Variants in SLC28A3 observed in about 807,000 individuals in gnomAD.
The protein encoded by SLC28A3 is solute carrier family 28 member 3, also known as concentrative Na(+)-nucleoside cotransporter 3.
A neutral mutation model predicts 84.2 loss-of-function variants in SLC28A3; 68 were observed. That is an observed-to-expected ratio of 0.81 (90% CI 0.66 to 0.99). The LOEUF (loss-of-function observed/expected upper bound fraction) is 0.99. SLC28A3 is among the 50% of genes least tolerant of loss of function. The pLI, the probability that SLC28A3 is intolerant of heterozygous loss-of-function variation, is 0.00. For missense variants in SLC28A3, 712 were observed against 841.5 expected, an observed-to-expected ratio of 0.85 and a Z score of 1.90; for synonymous variants, 267 against 303.6, an observed-to-expected ratio of 0.88 and a Z score of 1.25.
chr9:84,281,139 C>T (rs545561834), intron 14 of SLC28A3, among the ~76,000 whole-genome samples: 2 of 152,304 alleles, frequency 1.3e-5, no homozygotes, highest in African/African-American at 4.8e-5. Context: ...TCTACAAATG[C>T]TGCTTCCTGG....
At chr9:84,300,675 C>T (rs1825593660) in intron 5 of SLC28A3, among the ~76,000 whole-genome samples, 1 of 152,170 alleles carries the variant, frequency 6.6e-6, no homozygotes, top group Non-Finnish European at 1.5e-5. Flanking sequence ...CAGGGGGCCA[C>T]CTGAAGGGAG....
rs1343755172 is a variant in SLC28A3 at position 84,275,816 on chromosome 9, G to A, written c.*2402C>T. 1.3e-5 allele frequency: 2 copies of A among 152,102 alleles called. No individual in the cohort carries two copies. Among genetic ancestry groups the A allele is most frequent in the African/African-American group, 4.8e-5 (2 of 41,414 alleles). The allele number at this position is 152,102 out of a possible 1,614,324, so 9.4% of individuals were successfully genotyped here. On this transcript the variant is annotated 3_prime_UTR_variant, in exon 18 of 18. Transcript: ENST00000376238. ...AATAACACCCCCTTTCTCAGTTCAA[G>A]GATGCACAGCATTAATAAGGAATCA...
intron 3 of SLC28A3, 21 bp from the exon 4 acceptor site, chr9:84,305,366 G>C: frequency 2.5e-6 from 4 of 1,601,678 alleles, no homozygotes; most frequent in Non-Finnish European, 3.4e-6. Context: ...AAAGCAAAAA[G>C]GCAGGGAGAA....
intron 10 of SLC28A3, among the ~76,000 whole-genome samples, chr9:84,291,128 T>G (rs1825203763): frequency 6.6e-6 from 1 of 152,208 alleles, no homozygotes; most frequent in Non-Finnish European, 1.5e-5. Flanking sequence ...TTCTGTAAGA[T>G]TGAATGTGTG....
rs762479737 is a variant in SLC28A3, at chr9:84,280,036, C to T, written c.1767G>A (p.Ser589=). The change falls in exon 16 of 18, where the codon TCG becomes TCA. Residue 589 remains serine, a synonymous_variant. Coordinates refer to ENST00000376238, the MANE Select transcript of SLC28A3 (RefSeq NM_001199633.2). The part of the protein sequence containing the change: ...MAPSRKRDIA[S]GAVRALIAGT... ...CCGCAATCAGAGCTCTCACTGCCCCCGAGGCGATATCACGCTTTCTGGAAG... is the reference window on the plus strand; with the variant it reads ...CCGCAATCAGAGCTCTCACTGCCCCTGAGGCGATATCACGCTTTCTGGAAG... 29 of 1,613,828 alleles carry T rather than the reference C, an allele frequency of 1.8e-5. No homozygotes were observed. The highest frequency in any genetic ancestry group is 2.4e-5 in the Non-Finnish European group (28 of 1,180,012).
chr9:84,333,036 G>C (rs1047086966), intron 1 of SLC28A3, among the ~76,000 whole-genome samples: 3 of 152,202 alleles, frequency 2.0e-5, no homozygotes, highest in Admixed American at 2.0e-4. Flanking sequence ...CTGCCTGGGA[G>C]ACAGGTCTAT....
chr9:84,289,564 G>A (rs1276959510), intron 11 of SLC28A3, among the ~76,000 whole-genome samples: 1 of 152,228 alleles, frequency 6.6e-6, no homozygotes. Context: ...CTGAGATATG[G>A]ACCTGGGCAT....
chr9:84,344,113 T>A (rs1370768097), upstream of SLC28A3, among the ~76,000 whole-genome samples: 2 of 151,944 alleles, frequency 1.3e-5, no homozygotes, highest in Non-Finnish European at 1.5e-5. Context: ...ATTTTTTTTT[T>A]ATCTTGCCCA....
intron 16 of SLC28A3, among the ~76,000 whole-genome samples, 159 bp from the exon 17 acceptor site, chr9:84,279,544 C>T (rs1358254652): frequency 2.6e-5 from 4 of 152,182 alleles, no homozygotes; most frequent in African/African-American, 7.2e-5. Context: ...CGGGTTCAAG[C>T]GATTCAAGTG....
chr9:84,311,395 G>A (rs1825982739), intron 2 of SLC28A3, among the ~76,000 whole-genome samples: 1 of 151,702 alleles, frequency 6.6e-6, no homozygotes, highest in Non-Finnish European at 1.5e-5. Context: ...TGAACCCAGA[G>A]AAGTACATTT....
At position 84,290,294 on chromosome 9, in the gene SLC28A3, G is replaced by A. The variant is rs777696002; in HGVS notation, c.1024-15C>T. 3.1e-6 allele frequency: 5 copies of A among 1,613,000 alleles called. No homozygotes were observed. Among genetic ancestry groups the A allele is most frequent in the South Asian group, 2.2e-5 (2 of 91,032 alleles). ...GGAGACTCCGTCTGGAGACAAAGAA[G>A]GGTGACCAGATTCCTTTTTAAATCT... On this transcript the variant is annotated splice_polypyrimidine_tract_variant and intron_variant, in intron 10 of 17. Coordinates refer to ENST00000376238, the MANE Select transcript of SLC28A3 (RefSeq NM_001199633.2).
In SLC28A3 at chr9:84,277,261, G is replaced by T. The variant is rs1824557961; in HGVS notation, c.*957C>A. The T allele has an allele frequency of 6.6e-6, 1 of 152,208 alleles. No individual in the cohort carries two copies. The highest frequency in any genetic ancestry group is 1.9e-4 in the East Asian group (1 of 5,200). The allele number at this position is 152,208 out of a possible 1,614,324, so 9.4% of individuals were successfully genotyped here. On this transcript the variant is annotated 3_prime_UTR_variant, in exon 18 of 18. Transcript: ENST00000376238. ...GACATGGATATTATGTACCCTTATG[G>T]TGTATCATATTACTTCTGCAAAATA...
rs866774003 is a variant in SLC28A3 at position 84,313,451 on chromosome 9, C to G, written c.64G>C (p.Glu22Gln). The G allele has an allele frequency of 6.2e-7, 1 of 1,612,590 alleles. No individual in the cohort carries two copies. Among genetic ancestry groups the G allele is most frequent in the Admixed American group, 1.7e-5 (1 of 59,610 alleles). The change falls in exon 2 of 18, where the codon GAA becomes CAA. Residue 22 changes from glutamate (E) to glutamine (Q), a missense_variant. Glu to Gln is a conservative substitution (Grantham distance 29). Coordinates refer to ENST00000376238, the MANE Select transcript of SLC28A3 (RefSeq NM_001199633.2). Reference sequence around the variant, plus strand: ...TTCTCGTTCTCAAGAAAGTTTTCTTCATTCTAAGAAAAAAGTGCAGATTGA... The same window carrying G: ...TTCTCGTTCTCAAGAAAGTTTTCTTGATTCTAAGAAAAAAGTGCAGATTGA... ...EGYSNVGFQN[E>Q]ENFLENENTS...
intron 4 of SLC28A3, among the ~76,000 whole-genome samples, chr9:84,304,070 A>T (rs1825714369): frequency 6.6e-6 from 1 of 152,198 alleles, no homozygotes. Context: ...CAAATGTTTG[A>T]ACCTCGTGAT....
At chr9:84,333,936 G>A (rs1826878604) in intron 1 of SLC28A3, among the ~76,000 whole-genome samples, 1 of 152,220 alleles carries the variant, frequency 6.6e-6, no homozygotes, top group African/African-American at 2.4e-5. Context: ...ATAAGTTGTG[G>A]AATATTTACA....
At chr9:84,292,423 C>T (rs771242639) in intron 10 of SLC28A3, among the ~76,000 whole-genome samples, 4 of 152,098 alleles carry the variant, frequency 2.6e-5, no homozygotes, top group African/African-American at 7.2e-5. Flanking sequence ...CATACCCAGA[C>T]TGTTAAAAGG....
At chr9:84,291,285 A>G (rs1825210084) in intron 10 of SLC28A3, among the ~76,000 whole-genome samples, 1 of 152,218 alleles carries the variant, frequency 6.6e-6, no homozygotes, top group Non-Finnish European at 1.5e-5. Context: ...TAGGGAAGGA[A>G]GCATGGGATG....
chr9:84,300,936 C>G (rs532724891), intron 5 of SLC28A3, among the ~76,000 whole-genome samples: 1 of 152,230 alleles, frequency 6.6e-6, no homozygotes, highest in African/African-American at 2.4e-5. Flanking sequence ...GTTCACAGTT[C>G]TCATTACTGT....
intron 2 of SLC28A3, among the ~76,000 whole-genome samples, chr9:84,311,347 T>C (rs988070222): frequency 6.6e-6 from 1 of 152,198 alleles, no homozygotes; most frequent in Non-Finnish European, 1.5e-5. Context: ...AGATTTTTCA[T>C]GTATTGTCTA....
Sources: allele counts gnomAD v4.1 joint callset (sites outside exome capture counted in the v4.1 genomes callset), GRCh38; gene constraint gnomAD v4.1.1; transcripts MANE v1.5; gene names NCBI Gene and HGNC (gene_info 2026-07-23, HGNC 2026-07-21).